Variants in ITGA6 observed in about 807,000 individuals in gnomAD.
The protein encoded by ITGA6 is integrin alpha-6.
ITGA6 carries 63 observed loss-of-function variants against 133.6 expected under a neutral mutation model. That is an observed-to-expected ratio of 0.47 (90% CI 0.38 to 0.58). The LOEUF is 0.58. Ranked by LOEUF, ITGA6 falls within the 20% of genes least tolerant of loss-of-function variation. ITGA6 has a pLI of 0.00. For synonymous variants in ITGA6, 434 were observed against 482.0 expected (o/e 0.90, Z 1.30); for missense variants, 1,068 against 1,309.4 (o/e 0.82, Z 2.85).
intron 7 of ITGA6, 73 bp downstream of exon 7, chr2:172,475,195 C>T: frequency 3.8e-6 from 4 of 1,045,778 alleles, no homozygotes; most frequent in Non-Finnish European, 5.9e-6. Context: ...CTGCTGGGCA[C>T]AGTGGCTCAC....
intron 5 of ITGA6, among the ~76,000 whole-genome samples, chr2:172,472,358 A>G (rs1685978395): frequency 1.3e-5 from 2 of 152,224 alleles, no homozygotes; most frequent in Admixed American, 1.3e-4. Flanking sequence ...TATGATTAAA[A>G]TACTTGATTG....
chr2:172,489,100 G>A (rs1686811922), intron 19 of ITGA6, among the ~76,000 whole-genome samples: 1 of 152,222 alleles, frequency 6.6e-6, no homozygotes, highest in Admixed American at 6.5e-5. Context: ...TCCAGAAGCA[G>A]GTTGTTGGTA....
intron 9 of ITGA6, among the ~76,000 whole-genome samples, chr2:172,477,185 T>C (rs1686214051): frequency 6.6e-6 from 1 of 152,206 alleles, no homozygotes. Flanking sequence ...TTCCTTATTA[T>C]AAATTCCTGG....
intron 1 of ITGA6, among the ~76,000 whole-genome samples, chr2:172,460,040 A>C (rs1279493221): frequency 6.6e-6 from 1 of 152,246 alleles, no homozygotes. Context: ...TGTGAAGTAC[A>C]CAAAGCAATT....
At chr2:172,499,037 G>A (rs748596000) in intron 24 of ITGA6, among the ~76,000 whole-genome samples, 61 of 152,184 alleles carry the variant, frequency 4.0e-4, no homozygotes, top group Non-Finnish European at 1.6e-4. Flanking sequence ...TGTCCGGTCT[G>A]GAGGGTTCTG....
chr2:172,444,293 G>T (rs1684661488), intron 1 of ITGA6, among the ~76,000 whole-genome samples: 1 of 152,152 alleles, frequency 6.6e-6, no homozygotes, highest in Non-Finnish European at 1.5e-5. Context: ...AGCTGCTACA[G>T]GCATACACTA....
At position 172,504,108 on chromosome 2, in the gene ITGA6, C is replaced by T. The variant is rs1470271122; in HGVS notation, c.*40C>T. 2.5e-6 allele frequency: 4 copies of T among 1,594,800 alleles called. No homozygotes were observed. The highest frequency in any genetic ancestry group is 1.7e-5 in the Admixed American group (1 of 57,278). The stretch of plus-strand genomic sequence containing the variant: ...TTCTCTAGTGTGGATTCTTTAAACG[C>T]TCTAGGTACGATGACAGTGTTCCCC... On this transcript the variant is annotated 3_prime_UTR_variant, in exon 26 of 26. Transcript: ENST00000684293.
intron 23 of ITGA6, chr2:172,495,336 T>A (rs1354435784): frequency 6.6e-6 from 1 of 152,210 alleles, no homozygotes; most frequent in Non-Finnish European, 1.5e-5. Context: ...TAAGAAATTA[T>A]TTTTGGAGTT....
rs563140844 is a variant in ITGA6 at position 172,438,055 on chromosome 2, C to T, written c.182+10085C>T. Among the ~76,000 whole-genome samples the T allele has an allele frequency of 6.6e-5, 10 of 151,674 alleles. No homozygotes were observed. In the South Asian group the frequency reaches 2.1e-3, roughly 32 times the overall value. ...GAACAGGAGAGAAGGAATTGGAGAC[C>T]ATAGGAACTCTTGAGGGGTTTTGCT... On this transcript the variant is annotated intron_variant, in intron 1 of 25. Transcript: ENST00000684293.
At chr2:172,439,546 T>G (rs2149000238) in intron 1 of ITGA6, among the ~76,000 whole-genome samples, 1 of 151,960 alleles carries the variant, frequency 6.6e-6, no homozygotes, top group African/African-American at 2.4e-5. Flanking sequence ...GGTGGCATGG[T>G]GGTGGTATAA....
intron 1 of ITGA6, 135 bp downstream of exon 1, chr2:172,428,105 C>T: frequency 2.7e-6 from 2 of 752,034 alleles, no homozygotes; most frequent in Non-Finnish European, 3.6e-6. Flanking sequence ...CGAGGCGCAC[C>T]CAGCGCCCAG....
rs1412715824 is a variant in ITGA6 at position 172,428,127 on chromosome 2, C to G, written c.182+157C>G. The G allele has an allele frequency of 1.1e-5, 6 of 563,156 alleles. No homozygotes were observed. In the East Asian group the frequency reaches 2.9e-4, roughly 28 times the overall value. 34.9% of individuals were successfully genotyped at this position (563,156 alleles called of 1,614,324 possible). A position where few individuals can be genotyped will look rare whatever the true frequency, so the allele number is the denominator to read the frequency against. Reference sequence around the variant, plus strand: ...CACCCAGCGCCCAGCGCGCTCGGCTCCCCGCCCTGACCCGCCCCGCGCGGC... The same window carrying G: ...CACCCAGCGCCCAGCGCGCTCGGCTGCCCGCCCTGACCCGCCCCGCGCGGC... On this transcript the variant is annotated intron_variant, in intron 1 of 25. Coordinates refer to ENST00000684293, the MANE Select transcript of ITGA6 (RefSeq NM_000210.4).
rs1265582264 is a variant in ITGA6 at position 172,504,808 on chromosome 2, A to T, written c.*740A>T. On this transcript the variant is annotated 3_prime_UTR_variant, in exon 26 of 26. Coordinates refer to ENST00000684293, the MANE Select transcript of ITGA6 (RefSeq NM_000210.4). Reference sequence around the variant, plus strand: ...TTCCTAGCTGTGTGAATACCTGCTCACGTCAAATGCATACAAGTTTCATTC... The same window carrying T: ...TTCCTAGCTGTGTGAATACCTGCTCTCGTCAAATGCATACAAGTTTCATTC... 6.5e-6 allele frequency: 1 copy of T among 152,730 alleles called. No individual in the cohort carries two copies. Among genetic ancestry groups the T allele is most frequent in the Non-Finnish European group, 1.5e-5 (1 of 68,074 alleles). The allele number at this position is 152,730 out of a possible 1,614,324, so 9.5% of individuals were successfully genotyped here.
chr2:172,446,036 A>C (rs1684755904), intron 1 of ITGA6, among the ~76,000 whole-genome samples: 1 of 152,258 alleles, frequency 6.6e-6, no homozygotes, highest in African/African-American at 2.4e-5. Flanking sequence ...TGCCCAGCTA[A>C]AAAGTCTTTT....
In ITGA6 at chr2:172,501,825, G is replaced by A; in HGVS notation, c.3168G>A (p.Lys1056=). The change falls in exon 25 of 26, where the codon AAG becomes AAA. Residue 1056 remains lysine, a synonymous_variant. Transcript: ENST00000684293. The part of the protein sequence containing the change: ...KKDHYDATYH[K]AEIHAQPSDK... ...ATCATTATGATGCCACATATCACAA[G>A]GCTGAGATCCATGCTCAGCCATCTG... The A allele has an allele frequency of 6.2e-7, 1 of 1,612,226 alleles. No homozygotes were observed. The highest frequency in any genetic ancestry group is 8.5e-7 in the Non-Finnish European group (1 of 1,178,884).
At chr2:172,440,556 G>A (rs1684498008) in intron 1 of ITGA6, among the ~76,000 whole-genome samples, 1 of 152,166 alleles carries the variant, frequency 6.6e-6, no homozygotes, top group Non-Finnish European at 1.5e-5. Flanking sequence ...CTCAATATAT[G>A]ATTGTGCTGT....
intron 11 of ITGA6, among the ~76,000 whole-genome samples, chr2:172,481,714 A>G (rs1686449245): frequency 6.6e-6 from 1 of 152,078 alleles, no homozygotes; most frequent in South Asian, 2.1e-4. Context: ...CTTAGAGTGG[A>G]TGGATTATGA....
At chr2:172,444,766 C>A (rs190619773) in intron 1 of ITGA6, among the ~76,000 whole-genome samples, 186 of 143,232 alleles carry the variant, frequency 1.3e-3, no homozygotes, top group African/African-American at 4.6e-3. Flanking sequence ...ATTTCCCCCC[C>A]ACAACCCAGC....
intron 9 of ITGA6, among the ~76,000 whole-genome samples, chr2:172,478,060 CTG>C (rs68048766): frequency 0.29 from 44,145 of 151,984 alleles, 6,506 homozygotes; most frequent in African/African-American, 0.33. Flanking sequence ...GCAGAAATGT[CTG>C]TTAAAATTCT....
Sources: gnomAD v4.1 joint callset for allele counts (sites outside exome capture counted in the v4.1 genomes callset) on GRCh38, gnomAD v4.1.1 for gene constraint, MANE v1.5 for transcripts, NCBI Gene and HGNC (gene_info 2026-07-23, HGNC 2026-07-21) for gene names.